Variants in PDE1C observed in about 807,000 individuals in gnomAD.
PDE1C encodes phosphodiesterase 1C.
A neutral mutation model predicts 93.1 loss-of-function variants in PDE1C; 62 were observed. The ratio of observed to expected loss-of-function variants is 0.67; its 90% CI spans 0.54 to 0.82. The LOEUF is 0.82. Among genes scored for constraint, PDE1C ranks in the 40% least tolerant of loss-of-function variants. The pLI is 0.00. For missense variants in PDE1C, 742 were observed against 884.6 expected, an observed-to-expected ratio of 0.84 and a Z score of 2.04; for synonymous variants, 325 against 310.1, an observed-to-expected ratio of 1.05 and a Z score of -0.50.
chr7:31,925,304 A>G (rs1009401498), intron 2 of PDE1C, among the ~76,000 whole-genome samples: 1 of 152,058 alleles, frequency 6.6e-6, no homozygotes, highest in Non-Finnish European at 1.5e-5. Flanking sequence ...AGATGCCCCT[A>G]CCCATCAGTG....
At chr7:31,660,305 A>G in the PDE1C span, among the ~76,000 whole-genome samples, 1 of 152,226 alleles carries the variant, frequency 6.6e-6, no homozygotes, top group Non-Finnish European at 1.5e-5. Context: ...TTTTCTGTCT[A>G]TAAAACAATG....
At chr7:31,683,703 G>A in the PDE1C span, among the ~76,000 whole-genome samples, 3 of 152,100 alleles carry the variant, frequency 2.0e-5, no homozygotes, top group Non-Finnish European at 2.9e-5. Context: ...TGAGAAGGTG[G>A]AGCCTCATCA....
chr7:31,974,530 C>T (rs186135355), intron 2 of PDE1C, among the ~76,000 whole-genome samples: 2 of 152,178 alleles, frequency 1.3e-5, no homozygotes, highest in Admixed American at 1.3e-4. Context: ...GAAATGATGG[C>T]ACTGTCTTTG....
chr7:31,663,691 A>G, the PDE1C span, among the ~76,000 whole-genome samples: 2 of 152,206 alleles, frequency 1.3e-5, no homozygotes, highest in Admixed American at 6.5e-5. Context: ...TATTTATGCC[A>G]TCTTAACCAG....
intron 17 of PDE1C, among the ~76,000 whole-genome samples, chr7:31,774,875 T>A (rs1341432654): frequency 6.6e-6 from 1 of 152,332 alleles, no homozygotes; most frequent in South Asian, 2.1e-4. Context: ...ACATTTTTCC[T>A]TCTTATGTTT....
chr7:31,952,779 C>T (rs535204347), intron 2 of PDE1C, among the ~76,000 whole-genome samples: 215 of 152,204 alleles, frequency 1.4e-3, no homozygotes, highest in African/African-American at 5.0e-3. Flanking sequence ...TGAGGAAAAT[C>T]AATACAAATA....
chr7:31,632,599 A>G, the PDE1C span, among the ~76,000 whole-genome samples: 10 of 152,212 alleles, frequency 6.6e-5, no homozygotes, highest in Non-Finnish European at 1.0e-4. Context: ...GACTGATATC[A>G]GTGTAACCCA....
At chr7:32,390,993 T>A (rs1389406296) in intron 1 of PDE1C, among the ~76,000 whole-genome samples, 1 of 150,858 alleles carries the variant, frequency 6.6e-6, no homozygotes, top group Non-Finnish European at 1.5e-5. Context: ...CACCAGCAAT[T>A]TAGAAAACAA....
chr7:31,652,407 C>G, the PDE1C span: 989 of 1,443,432 alleles, frequency 6.9e-4, 1 homozygote, highest in Admixed American at 2.5e-3. Flanking sequence ...GCTCAAAGAG[C>G]CCATTCTAGA....
chr7:32,285,055 A>G (rs950448450), intron 1 of PDE1C, among the ~76,000 whole-genome samples: 2 of 152,034 alleles, frequency 1.3e-5, no homozygotes, highest in African/African-American at 4.8e-5. Flanking sequence ...AAAAAAGAAA[A>G]AAAGAAAAAA....
chr7:32,389,876 C>T (rs12538364), intron 1 of PDE1C, among the ~76,000 whole-genome samples: 5,496 of 152,288 alleles, frequency 0.036, 158 homozygotes, highest in East Asian at 0.097. Context: ...AATTCCAGGT[C>T]TCCCCAGTGA....
At chr7:32,075,610 G>A (rs993350586), upstream of PDE1C, among the ~76,000 whole-genome samples, 2 of 152,140 alleles carry the variant, frequency 1.3e-5, no homozygotes, top group Non-Finnish European at 1.5e-5. Context: ...GAAAGAAAAG[G>A]CAGAGGACTG....
chr7:32,229,594 G>A (rs1344594786), intron 1 of PDE1C, among the ~76,000 whole-genome samples: 1 of 152,198 alleles, frequency 6.6e-6, no homozygotes, highest in Non-Finnish European at 1.5e-5. Context: ...GTTCTTCAGA[G>A]GTGAACTGAC....
chr7:31,719,840 A>T, the PDE1C span, among the ~76,000 whole-genome samples: 1 of 152,178 alleles, frequency 6.6e-6, no homozygotes, highest in Non-Finnish European at 1.5e-5. Flanking sequence ...CTTCTATCCC[A>T]GAGGAAAGCA....
At chr7:32,210,774 T>C (rs1019194613) in intron 1 of PDE1C, among the ~76,000 whole-genome samples, 1 of 152,204 alleles carries the variant, frequency 6.6e-6, no homozygotes, top group African/African-American at 2.4e-5. Flanking sequence ...TCTTAGTATC[T>C]TTTGTTTTTC....
upstream of PDE1C, among the ~76,000 whole-genome samples, chr7:32,072,660 C>T (rs539779458): frequency 2.9e-4 from 44 of 152,300 alleles, no homozygotes; most frequent in African/African-American, 9.9e-4. Context: ...ATAGCCCAAG[C>T]ATTGTTCTAA....
the PDE1C span, among the ~76,000 whole-genome samples, chr7:31,644,561 C>G: frequency 2.0e-5 from 3 of 152,252 alleles, no homozygotes; most frequent in Admixed American, 6.5e-5. Context: ...GAGCTTCCCA[C>G]GTCAAATAGA....
intron 2 of PDE1C, among the ~76,000 whole-genome samples, chr7:32,001,535 C>T (rs889289759): frequency 5.0e-5 from 7 of 138,750 alleles, no homozygotes; most frequent in Non-Finnish European, 9.6e-5. Context: ...GGAGTAACAG[C>T]GTACACACCA....
chr7:32,402,194 G>C (rs1784958381), intron 1 of PDE1C, among the ~76,000 whole-genome samples: 1 of 152,010 alleles, frequency 6.6e-6, no homozygotes, highest in Admixed American at 6.6e-5. Flanking sequence ...ATACTCACTT[G>C]TATTAATCTG....
Sources: allele counts gnomAD v4.1 joint callset (sites outside exome capture counted in the v4.1 genomes callset), GRCh38; gene constraint gnomAD v4.1.1; transcripts MANE v1.5; gene names NCBI Gene and HGNC (gene_info 2026-07-23, HGNC 2026-07-21).